Variants in APPL2 observed in about 807,000 individuals in gnomAD.
APPL2 encodes the protein adaptor protein, phosphotyrosine interacting with PH domain and leucine zipper 2.
A neutral mutation model predicts 92.7 loss-of-function variants in APPL2; 84 were observed. The ratio of observed to expected loss-of-function variants is 0.91; its 90% CI spans 0.76 to 1.09. The LOEUF is 1.09. Ranked by LOEUF, APPL2 falls within the 50% of genes least tolerant of loss-of-function variation. The probability of loss-of-function intolerance (pLI) is 0.00; values close to 1 mark genes in which losing one functional copy is unlikely to be tolerated. For missense variants in APPL2, 736 were observed against 824.5 expected (o/e 0.89, Z 1.31); for synonymous variants, 291 against 291.0 (o/e 1.00, Z 0.00).
intron 11 of APPL2, 91 bp downstream of exon 11, chr12:105,197,674 G>A (rs1314409882): frequency 6.7e-7 from 1 of 1,501,108 alleles, no homozygotes; most frequent in Admixed American, 2.1e-5. Flanking sequence ...CTCCCACAGA[G>A]GGCTGGCACA....
rs779948131 is a variant in APPL2 at position 105,207,208 on chromosome 12, C to G, written c.475-1G>C. ...CCTCTTTTCCGACTTCGGTCTTCACCTGGTTAAAAGGTGAAAGGAAAACTT... is the reference window on the plus strand; with the variant it reads ...CCTCTTTTCCGACTTCGGTCTTCACGTGGTTAAAAGGTGAAAGGAAAACTT... On this transcript the variant is annotated splice_acceptor_variant, in intron 7 of 20. Coordinates refer to ENST00000258530, the MANE Select transcript of APPL2 (RefSeq NM_018171.5). LOFTEE classifies it high-confidence loss of function. The G allele has an allele frequency of 6.2e-7, 1 of 1,612,004 alleles. No homozygotes were observed. The highest frequency in any genetic ancestry group is 1.1e-5 in the South Asian group (1 of 90,762).
intron 14 of APPL2, among the ~76,000 whole-genome samples, chr12:105,191,878 T>C (rs896759892): frequency 6.6e-6 from 1 of 152,198 alleles, no homozygotes; most frequent in Non-Finnish European, 1.5e-5. Flanking sequence ...TGGAGTTCTT[T>C]AGGATTCTGT....
intron 17 of APPL2, among the ~76,000 whole-genome samples, chr12:105,186,718 T>TATATATC (rs1886754311): frequency 3.8e-5 from 5 of 131,630 alleles, no homozygotes; most frequent in African/African-American, 1.5e-4. Context: ...TATCATATCA[T>TATATATC]ATATATATCA....
At chr12:105,217,476 T>C (rs549414479) in intron 3 of APPL2, among the ~76,000 whole-genome samples, 190 bp downstream of exon 3, 33 of 152,358 alleles carry the variant, frequency 2.2e-4, no homozygotes, top group Non-Finnish European at 4.0e-4. Flanking sequence ...TAGAGGCTAA[T>C]TAGAATACCT....
At chr12:105,186,656 CATAT>C (rs1211243439) in intron 17 of APPL2, among the ~76,000 whole-genome samples, 74 of 47,614 alleles carry the variant, frequency 1.6e-3, no homozygotes, top group South Asian at 5.8e-3. Context: ...ATATCGATAT[CATAT>C]ATATCATATA....
chr12:105,212,705 T>G (rs1043377295), intron 4 of APPL2, among the ~76,000 whole-genome samples: 1 of 152,238 alleles, frequency 6.6e-6, no homozygotes, highest in Non-Finnish European at 1.5e-5. Flanking sequence ...AGCAATCACT[T>G]TTGGATTCAA....
At chr12:105,211,468 T>G (rs1889212643) in intron 4 of APPL2, 151 bp from the exon 5 acceptor site, 2 of 603,484 alleles carry the variant, frequency 3.3e-6, no homozygotes, top group South Asian at 3.9e-5. Context: ...CATAAAGCAG[T>G]AAATGATATT....
intron 1 of APPL2, among the ~76,000 whole-genome samples, chr12:105,231,993 G>A (rs554701387): frequency 3.6e-4 from 54 of 152,066 alleles, no homozygotes; most frequent in African/African-American, 1.2e-3. Flanking sequence ...AAAATCCCAC[G>A]GTCAGAAAGA....
At chr12:105,199,624 G>A in intron 9 of APPL2, 93 bp from the exon 10 acceptor site, 1 of 1,391,658 alleles carries the variant, frequency 7.2e-7, no homozygotes, top group Non-Finnish European at 9.7e-7. Flanking sequence ...CCCCCGCAAA[G>A]CTTCCGGCCT....
intron 10 of APPL2, among the ~76,000 whole-genome samples, chr12:105,198,276 G>C (rs958368291): frequency 2.0e-5 from 3 of 152,170 alleles, no homozygotes; most frequent in African/African-American, 7.2e-5. Flanking sequence ...AACACCTGGA[G>C]AATCATTTCT....
chr12:105,177,370 A>C (rs757746014), intron 17 of APPL2, 108 bp from the exon 18 acceptor site: 193 of 1,229,726 alleles, frequency 1.6e-4, no homozygotes, highest in Middle Eastern at 4.0e-4. Context: ...AATAGAGATA[A>C]AGCCTGTTAG....
At chr12:105,211,540 G>C (rs921950651) in intron 4 of APPL2, among the ~76,000 whole-genome samples, 2 of 152,200 alleles carry the variant, frequency 1.3e-5, no homozygotes, top group Non-Finnish European at 2.9e-5. Flanking sequence ...AATGAAGCTT[G>C]CTAACAGAGT....
chr12:105,207,238 TTGTC>T (rs781130299), intron 7 of APPL2, 31 bp from the exon 8 acceptor site: 1 of 1,602,192 alleles, frequency 6.2e-7, no homozygotes, highest in African/African-American at 1.3e-5. Context: ...AAACTTCAAG[TTGTC>T]TACTGTACGT....
At chr12:105,201,860 G>A (rs1292415060) in intron 9 of APPL2, among the ~76,000 whole-genome samples, 1 of 152,122 alleles carries the variant, frequency 6.6e-6, no homozygotes, top group Non-Finnish European at 1.5e-5. Context: ...CACGCTGTCT[G>A]GATTCCCACC....
chr12:105,182,239 G>C (rs1211411924), intron 17 of APPL2, among the ~76,000 whole-genome samples: 1 of 152,194 alleles, frequency 6.6e-6, no homozygotes, highest in Non-Finnish European at 1.5e-5. Context: ...ATGTTGGCCA[G>C]GCTGGTCTCA....
chr12:105,183,728 A>G (rs920057268), intron 17 of APPL2, among the ~76,000 whole-genome samples: 2 of 151,990 alleles, frequency 1.3e-5, no homozygotes, highest in African/African-American at 2.4e-5. Context: ...TCTGATGATT[A>G]TGTGTCTTGG....
chr12:105,187,076 A>G (rs7978034), intron 17 of APPL2, among the ~76,000 whole-genome samples: 19,867 of 152,082 alleles, frequency 0.13, 1,496 homozygotes, highest in African/African-American at 0.21. Context: ...GTACTTTTAC[A>G]TATATTTTCC....
At chr12:105,212,821 A>T (rs1027237098) in intron 4 of APPL2, among the ~76,000 whole-genome samples, 2 of 152,230 alleles carry the variant, frequency 1.3e-5, no homozygotes, top group Non-Finnish European at 2.9e-5. Context: ...GTGGCTTCAG[A>T]GGCCACTCTT....
rs118138223 is a variant in APPL2, at chr12:105,179,082, G to A, written c.1635-1820C>T. Among the ~76,000 whole-genome samples the A allele has an allele frequency of 4.1e-3, 629 of 152,086 alleles. 19 individuals are homozygous for A. The East Asian group carries it at 0.072, about 17-fold the overall frequency. ...ACATGTTGCTGTGGTGGTTTGCTGC[G>A]CCCATCAACCCGTTATCTACATTAG... On this transcript the variant is annotated intron_variant, in intron 17 of 20. Coordinates refer to ENST00000258530, the MANE Select transcript of APPL2 (RefSeq NM_018171.5).
Sources: allele counts gnomAD v4.1 joint callset (sites outside exome capture counted in the v4.1 genomes callset), GRCh38; gene constraint gnomAD v4.1.1; transcripts MANE v1.5; gene names NCBI Gene and HGNC (gene_info 2026-07-23, HGNC 2026-07-21).